PITRM1: variants seen among roughly 807,000 people sequenced by gnomAD.
PITRM1 encodes pitrilysin metallopeptidase 1.
In PITRM1, 100 loss-of-function variants were observed where a neutral mutation model predicts 129.9. That is an observed-to-expected ratio of 0.77 (90% CI 0.65 to 0.91). The LOEUF (loss-of-function observed/expected upper bound fraction) is 0.91, where lower values mean the gene tolerates loss of function less well. Among genes scored for constraint, PITRM1 ranks in the 40% least tolerant of loss-of-function variants. PITRM1 has a pLI of 0.00. For synonymous variants in PITRM1, 591 were observed against 508.8 expected (o/e 1.16, Z -2.17); for missense variants, 1,471 against 1,318.3 (o/e 1.12, Z -1.79).
intron 6 of PITRM1, chr10:3,164,242 G>A (rs1842687825): frequency 6.4e-6 from 1 of 156,240 alleles, no homozygotes; most frequent in Non-Finnish European, 1.4e-5. Flanking sequence ...TTGAGTTCAA[G>A]AAGACTCCTT....
intron 10 of PITRM1, 85 bp from the exon 11 acceptor site, chr10:3,158,238 C>A: frequency 1.3e-6 from 1 of 779,590 alleles, no homozygotes; most frequent in Non-Finnish European, 2.1e-6. Context: ...AAGATCAGAA[C>A]GAAGCGCCTT....
At chr10:3,144,149 A>G (rs1157547424) in intron 22 of PITRM1, 143 bp downstream of exon 22, 1 of 618,022 alleles carries the variant, frequency 1.6e-6, no homozygotes, top group Admixed American at 2.9e-5. Context: ...TGGCAGTGAC[A>G]AAGGATGCAC....
At chr10:3,139,129 TCAA>T in intron 24 of PITRM1, 80 bp from the exon 25 acceptor site, 5 of 1,225,648 alleles carry the variant, frequency 4.1e-6, no homozygotes, top group Non-Finnish European at 4.7e-6. Context: ...ACTTAACAGT[TCAA>T]CATCTTCTAT....
At position 3,160,035 on chromosome 10, in the gene PITRM1, C is replaced by T. The variant is rs923093209; in HGVS notation, c.919-99G>A. The stretch of plus-strand genomic sequence containing the variant: ...ACGAAATGGAGCGAAACAGGCTTTC[C>T]ACTAAGTTAACTTTCCTTTCAAACA... On this transcript the variant is annotated intron_variant, in intron 8 of 26. Transcript: ENST00000224949. 4 of 1,238,222 alleles carry T rather than the reference C, an allele frequency of 3.2e-6. No homozygotes were observed. The African/African-American group carries it at 4.5e-5, about 14-fold the overall frequency. 76.7% of individuals were successfully genotyped at this position (1,238,222 alleles called of 1,614,324 possible).
In PITRM1 at chr10:3,165,241, C is replaced by T. The variant is rs142406142; in HGVS notation, c.627G>A (p.Ala209=). ...ATAAAAAAGGAAGAAAACTTACAAA[C>T]GCTCCCTTCATCTCATTAAAGACGA... ...KGVVFNEMKG[A]FTDNERIFSQ... The change falls in exon 6 of 27, where the codon GCG becomes GCA. Residue 209 remains alanine (A), a synonymous_variant. Transcript: ENST00000224949. The T allele has an allele frequency of 2.5e-4, 386 of 1,555,922 alleles. No homozygotes were observed. The African/African-American group carries it at 2.5e-3, about 10-fold the overall frequency.
chr10:3,167,313 G>A (rs142511323), intron 2 of PITRM1, among the ~76,000 whole-genome samples: 74 of 152,366 alleles, frequency 4.9e-4, no homozygotes, highest in Non-Finnish European at 5.4e-4. Context: ...GCGCGAGAGC[G>A]CACGCGCTTA....
chr10:3,166,853 G>T, intron 3 of PITRM1, 83 bp downstream of exon 3: 1 of 751,274 alleles, frequency 1.3e-6, no homozygotes, highest in Non-Finnish European at 2.2e-6. Context: ...TTCTTCCATT[G>T]TGGCACAGGG....
chr10:3,150,176 T>C (rs1841366227), intron 15 of PITRM1, among the ~76,000 whole-genome samples: 1 of 151,886 alleles, frequency 6.6e-6, no homozygotes, highest in Admixed American at 6.6e-5. Flanking sequence ...CAAACAAGGC[T>C]CCTGGTGTCC....
At chr10:3,153,533 G>A (rs1841701138) in intron 14 of PITRM1, among the ~76,000 whole-genome samples, 1 of 152,044 alleles carries the variant, frequency 6.6e-6, no homozygotes, top group Non-Finnish European at 1.5e-5. Flanking sequence ...GCGAGAAAAT[G>A]ACGTGAATCC....
Position 3,151,365 on chromosome 10 carries a change from TAAAAAAGAAACAA to T in PITRM1, c.1622-15_1622-3del, listed in dbSNP as rs60985673. On this transcript the variant is annotated splice_polypyrimidine_tract_variant and splice_region_variant and intron_variant, in intron 14 of 26. Transcript: ENST00000224949. The stretch of plus-strand genomic sequence containing the variant: ...TTTGTTGACTCCGTAATTCTAGACC[TAAAAAAGAAACAA>T]GAAAAAGGAATATTCAGGGCCATAA... 0.15 allele frequency: 230,756 copies of T among 1,560,590 alleles called. 18,295 individuals carry two copies. The highest frequency in any genetic ancestry group is 0.29 in the East Asian group (12,759 of 44,412).
At chr10:3,170,535 C>T (rs1843246187) in intron 1 of PITRM1, among the ~76,000 whole-genome samples, 3 of 152,156 alleles carry the variant, frequency 2.0e-5, no homozygotes, top group Admixed American at 2.0e-4. Flanking sequence ...ACAGAATCCT[C>T]AAAAGCCTTC....
chr10:3,159,907 A>T lies in PITRM1; in HGVS notation c.948T>A (p.Asp316Glu), dbSNP rs1458781766. The change falls in exon 9 of 27, where the codon GAT (aspartate) becomes GAA (glutamate). Residue 316 changes from aspartate to glutamate, a missense_variant. Coordinates refer to ENST00000224949, the MANE Select transcript of PITRM1 (RefSeq NM_014889.4). ...PREFQITCGP[D>E]SFATDPSKQT... Reference sequence around the variant, plus strand: ...GTTTAGAGGGATCTGTAGCAAATGAATCCGGGCCACATGTTATCTGGAATT... The same window carrying T: ...GTTTAGAGGGATCTGTAGCAAATGATTCCGGGCCACATGTTATCTGGAATT... The T allele has an allele frequency of 6.2e-7, 1 of 1,604,258 alleles. No homozygotes were observed. Among genetic ancestry groups the T allele is most frequent in the African/African-American group, 1.3e-5 (1 of 74,844 alleles).
intron 7 of PITRM1, among the ~76,000 whole-genome samples, chr10:3,161,517 C>T (rs1842437925): frequency 6.6e-6 from 1 of 152,170 alleles, no homozygotes; most frequent in Non-Finnish European, 1.5e-5. Context: ...ATTTTACACA[C>T]TCGGGGTTGA....
chr10:3,145,574 C>T (rs1388831187), intron 21 of PITRM1, 22 bp downstream of exon 21: 18 of 1,546,390 alleles, frequency 1.2e-5, no homozygotes, highest in African/African-American at 8.2e-5. Flanking sequence ...GCTCACCGGG[C>T]GCCAGCACCA....
intron 16 of PITRM1, 45 bp from the exon 17 acceptor site, chr10:3,148,336 A>T: frequency 7.8e-6 from 12 of 1,539,406 alleles, no homozygotes; most frequent in Non-Finnish European, 1.0e-5. Flanking sequence ...GTCAGTCTTT[A>T]CTGAATCATT....
intron 10 of PITRM1, 111 bp downstream of exon 10, chr10:3,158,803 A>G: frequency 2.7e-6 from 3 of 1,092,930 alleles, no homozygotes; most frequent in Non-Finnish European, 4.0e-6. Flanking sequence ...CAAAAATCCA[A>G]AAATGTTCCA....
At chr10:3,157,783 G>C (rs1842098372) in intron 11 of PITRM1, among the ~76,000 whole-genome samples, 1 of 152,194 alleles carries the variant, frequency 6.6e-6, no homozygotes, top group Admixed American at 6.5e-5. Flanking sequence ...AAAATGCAGT[G>C]AGCTGAGATC....
intron 1 of PITRM1, among the ~76,000 whole-genome samples, chr10:3,171,240 G>A (rs1322260518): frequency 7.5e-6 from 1 of 132,634 alleles, no homozygotes; most frequent in Non-Finnish European, 1.6e-5. Flanking sequence ...GTCACATAAC[G>A]TGAAACAAAA....
intron 4 of PITRM1, 75 bp downstream of exon 4, chr10:3,166,154 T>G: frequency 6.0e-6 from 8 of 1,323,152 alleles, no homozygotes; most frequent in Non-Finnish European, 8.1e-6. Flanking sequence ...TCATTCCTTC[T>G]CAGAAACTAA....
Sources: gnomAD v4.1 joint callset for allele counts (sites outside exome capture counted in the v4.1 genomes callset) on GRCh38, gnomAD v4.1.1 for gene constraint, MANE v1.5 for transcripts, NCBI Gene and HGNC (gene_info 2026-07-23, HGNC 2026-07-21) for gene names.